The following SGCD variants were observed in gnomAD, a reference collection of about 807,000 sequenced individuals.
SGCD encodes the protein sarcoglycan delta, also known as delta-sarcoglycan.
In SGCD, 18 loss-of-function variants were observed where a neutral mutation model predicts 36.6. That is an observed-to-expected ratio of 0.49 (90% CI 0.34 to 0.73). The LOEUF is 0.73. Ranked by LOEUF, SGCD falls within the 30% of genes least tolerant of loss-of-function variation. The pLI, the probability that SGCD is intolerant of heterozygous loss-of-function variation, is 0.01. For missense variants in SGCD, 387 were observed against 346.7 expected (o/e 1.12, Z -0.92); for synonymous variants, 133 against 130.6 (o/e 1.02, Z -0.12).
chr5:156,093,019 T>C (rs778510753), intron 1 of SGCD, among the ~76,000 whole-genome samples: 16 of 152,224 alleles, frequency 1.1e-4, no homozygotes, highest in Non-Finnish European at 2.9e-5. Flanking sequence ...TGTGGGGAAA[T>C]TTTAATTGGC....
the SGCD span, among the ~76,000 whole-genome samples, chr5:155,839,259 T>C: frequency 3.9e-5 from 6 of 152,314 alleles, no homozygotes; most frequent in South Asian, 2.1e-4. Context: ...ATATCATCAG[T>C]GTGGAATCAA....
intron 3 of SGCD, among the ~76,000 whole-genome samples, chr5:156,152,906 C>T (rs771422511): frequency 1.3e-5 from 2 of 151,350 alleles, no homozygotes; most frequent in African/African-American, 4.9e-5. Context: ...TTCTATTCAC[C>T]AAAAAAGGCA....
chr5:156,347,257 C>G (rs550639280), intron 3 of SGCD, among the ~76,000 whole-genome samples: 3 of 152,096 alleles, frequency 2.0e-5, no homozygotes, highest in South Asian at 4.1e-4. Context: ...TGCCTTGGGT[C>G]CATTTGGCCT....
chr5:156,643,032 T>TTG (rs1554125407), intron 6 of SGCD, among the ~76,000 whole-genome samples: 1 of 62,142 alleles, frequency 1.6e-5, no homozygotes. Context: ...TTGTTTTTTT[T>TTG]TTTGTTTGTT....
chr5:156,049,305 C>T (rs565141027), intron 1 of SGCD, among the ~76,000 whole-genome samples: 2,360 of 145,590 alleles, frequency 0.016, 206 homozygotes, highest in African/African-American at 0.056. Flanking sequence ...CTTGGTGATG[C>T]GGGCTCTTTT....
At chr5:156,603,961 A>G (rs901462222) in intron 6 of SGCD, among the ~76,000 whole-genome samples, 4 of 152,024 alleles carry the variant, frequency 2.6e-5, no homozygotes, top group Non-Finnish European at 4.4e-5. Context: ...AATTTTCTGT[A>G]TAAGTGATCT....
intron 1 of SGCD, among the ~76,000 whole-genome samples, chr5:155,900,080 A>C (rs1409032778): frequency 6.6e-6 from 1 of 152,160 alleles, no homozygotes; most frequent in Non-Finnish European, 1.5e-5. Flanking sequence ...AATCTACTAA[A>C]AGCAAATTTG....
chr5:156,714,203 C>T (rs1755121279), intron 7 of SGCD, among the ~76,000 whole-genome samples: 1 of 152,158 alleles, frequency 6.6e-6, no homozygotes, highest in African/African-American at 2.4e-5. Context: ...ATACACACTC[C>T]CAGCTGAGGT....
chr5:155,882,590 C>T (rs1252695714), intron 1 of SGCD, among the ~76,000 whole-genome samples: 2 of 152,190 alleles, frequency 1.3e-5, no homozygotes, highest in Non-Finnish European at 2.9e-5. Context: ...CATTCATCTC[C>T]TTGTACATCC....
intron 3 of SGCD, among the ~76,000 whole-genome samples, chr5:156,167,032 G>A (rs778531114): frequency 5.3e-5 from 8 of 151,834 alleles, no homozygotes; most frequent in Non-Finnish European, 1.2e-4. Context: ...CCCTAATTCT[G>A]AGGCCTGACC....
At chr5:156,289,561 C>T (rs891272412) in intron 3 of SGCD, among the ~76,000 whole-genome samples, 2 of 151,824 alleles carry the variant, frequency 1.3e-5, no homozygotes, top group Admixed American at 6.6e-5. Context: ...TCCAAGCAAC[C>T]TCTTTCTATT....
At chr5:156,482,980 T>A (rs1755505539) in intron 3 of SGCD, among the ~76,000 whole-genome samples, 1 of 152,112 alleles carries the variant, frequency 6.6e-6, no homozygotes, top group Non-Finnish European at 1.5e-5. Context: ...AACCTCAGCC[T>A]CTAGCCACCA....
chr5:156,261,219 T>C (rs1156241701), intron 3 of SGCD, among the ~76,000 whole-genome samples: 1 of 152,206 alleles, frequency 6.6e-6, no homozygotes, highest in African/African-American at 2.4e-5. Flanking sequence ...GTATTAAGAT[T>C]GTGGATGTGA....
At chr5:156,017,788 T>C (rs897846161) in intron 1 of SGCD, among the ~76,000 whole-genome samples, 3 of 152,306 alleles carry the variant, frequency 2.0e-5, no homozygotes, top group East Asian at 1.9e-4. Flanking sequence ...TTAGCAATTA[T>C]ATAATTATAT....
chr5:156,568,928 A>C (rs1220338476), intron 4 of SGCD, among the ~76,000 whole-genome samples: 2 of 152,224 alleles, frequency 1.3e-5, no homozygotes, highest in African/African-American at 4.8e-5. Context: ...CCATGAAATC[A>C]TTATTATGTA....
At chr5:155,999,769 C>T (rs1758626756) in intron 1 of SGCD, among the ~76,000 whole-genome samples, 1 of 152,218 alleles carries the variant, frequency 6.6e-6, no homozygotes, top group Non-Finnish European at 1.5e-5. Context: ...CCTTCTACTT[C>T]ATAAAATAAA....
intron 7 of SGCD, among the ~76,000 whole-genome samples, chr5:156,737,013 G>T (rs902106848): frequency 2.6e-5 from 4 of 152,132 alleles, no homozygotes; most frequent in Non-Finnish European, 5.9e-5. Context: ...AAGTAGGTAA[G>T]CTAGTTACTA....
the SGCD span, among the ~76,000 whole-genome samples, chr5:155,739,941 G>A: frequency 6.6e-6 from 1 of 152,120 alleles, no homozygotes; most frequent in South Asian, 2.1e-4. Context: ...ATAGCATGGG[G>A]AATTACTACT....
intron 1 of SGCD, among the ~76,000 whole-genome samples, chr5:155,872,810 C>T (rs1419033514): frequency 2.6e-5 from 4 of 152,116 alleles, no homozygotes; most frequent in South Asian, 2.1e-4. Flanking sequence ...GCAAGATTTA[C>T]GTGTATAACA....
Sources: allele counts gnomAD v4.1 joint callset (sites outside exome capture counted in the v4.1 genomes callset), GRCh38; gene constraint gnomAD v4.1.1; transcripts MANE v1.5; gene names NCBI Gene and HGNC (gene_info 2026-07-23, HGNC 2026-07-21).